Variants in ADAR observed in about 807,000 individuals in gnomAD.
ADAR encodes the protein adenosine deaminase RNA specific, also known as double-stranded RNA-specific adenosine deaminase.
Under a neutral mutation model 113.2 loss-of-function variants are expected in ADAR, and 41 were observed. The ratio of observed to expected loss-of-function variants is 0.36; its 90% CI spans 0.28 to 0.47. The LOEUF (loss-of-function observed/expected upper bound fraction) is 0.47, where lower values mean the gene tolerates loss of function less well. ADAR is among the 20% of genes least tolerant of loss of function. The pLI, the probability that ADAR is intolerant of heterozygous loss-of-function variation, is 1.00. For missense variants in ADAR, 1,242 were observed against 1,540.9 expected (o/e 0.81, Z 3.25); for synonymous variants, 605 against 572.6 (o/e 1.06, Z -0.81).
Position 154,598,502 on chromosome 1 carries a change from G to A in ADAR, c.1685C>T (p.Ala562Val), listed in dbSNP as rs1200977158. The A allele has an allele frequency of 6.2e-7, 1 of 1,614,168 alleles. No homozygotes were observed. The highest frequency in any genetic ancestry group is 1.7e-5 in the Admixed American group (1 of 60,026). Reference sequence around the variant, plus strand: ...TAGCAGAATTGTCATGGCTTTCATAGCTGCATCCTGCTTGGCCACTTTCTT... The same window carrying A: ...TAGCAGAATTGTCATGGCTTTCATAACTGCATCCTGCTTGGCCACTTTCTT... ...GSKKVAKQDA[A>V]MKAMTILLEE... The change falls in exon 3 of 15, where the codon GCT (alanine) becomes GTT (valine). Residue 562 changes from alanine to valine, a missense_variant. Ala to Val is a moderately conservative substitution (Grantham distance 64). Transcript: ENST00000368474.
chr1:154,599,497 T>A (rs576666157), intron 2 of ADAR, among the ~76,000 whole-genome samples: 2 of 152,124 alleles, frequency 1.3e-5, no homozygotes, highest in African/African-American at 2.4e-5. Flanking sequence ...CTTGCCAGCT[T>A]TTGGACAGAC....
At chr1:154,593,777 G>A (rs1253075705) in intron 6 of ADAR, among the ~76,000 whole-genome samples, 1 of 152,166 alleles carries the variant, frequency 6.6e-6, no homozygotes, top group Admixed American at 6.5e-5. Flanking sequence ...ATCCATGAGA[G>A]TAACAATCTG....
chr1:154,587,466 T>C (rs1696839811), intron 11 of ADAR, among the ~76,000 whole-genome samples: 1 of 152,222 alleles, frequency 6.6e-6, no homozygotes, highest in Non-Finnish European at 1.5e-5. Flanking sequence ...ATTCACATAT[T>C]AGTTTCCGTG....
rs1222447885 is a variant in ADAR, at chr1:154,601,394, G to A, written c.1248C>T (p.Val416=). ...CCTCTTGCCTGTTTTCTAACTTTAT[G>A]ACAGGTTCCTGCCCATTCTCCACTT... ...TEKVENGQEP[V]IKLENRQEAR... The change falls in exon 2 of 15, where the codon GTC becomes GTT. Residue 416 remains valine, a synonymous_variant. Transcript: ENST00000368474. The surrounding 1 kb of genome is among the most constrained non-coding windows in gnomAD (Gnocchi z 4.7). 9.3e-6 allele frequency: 15 copies of A among 1,614,194 alleles called. No homozygotes were observed. Among genetic ancestry groups the A allele is most frequent in the East Asian group, 2.2e-5 (1 of 44,880 alleles).
chr1:154,606,947 A>ATATATAT (rs1214124039), intron 1 of ADAR, among the ~76,000 whole-genome samples: 49 of 148,500 alleles, frequency 3.3e-4, no homozygotes, highest in Middle Eastern at 3.5e-3. Flanking sequence ...AAAAAAAAAA[A>ATATATAT]ATATATATAT....
In ADAR at chr1:154,589,690, A is replaced by G. The variant is rs879097270; in HGVS notation, c.2668+67T>C. 4.4e-6 allele frequency: 7 copies of G among 1,591,108 alleles called. No homozygotes were observed. The South Asian group carries it at 6.7e-5, about 15-fold the overall frequency. On this transcript the variant is annotated intron_variant, in intron 8 of 14. Transcript: ENST00000368474. ...CCTTGGACTTACATGCATGGACTCCAGGGGAGGATGAGAGGCACCCGCTTT... is the reference window on the plus strand; with the variant it reads ...CCTTGGACTTACATGCATGGACTCCGGGGGAGGATGAGAGGCACCCGCTTT...
intron 1 of ADAR, among the ~76,000 whole-genome samples, chr1:154,605,346 C>T (rs1698124196): frequency 6.6e-6 from 1 of 152,022 alleles, no homozygotes; most frequent in Non-Finnish European, 1.5e-5. Flanking sequence ...TGACTCCCAC[C>T]TTCTTCAGCC....
Position 154,585,917 on chromosome 1 carries a change from T to C in ADAR, c.3203-52A>G, listed in dbSNP as rs1258633158. The C allele has an allele frequency of 2.7e-6, 4 of 1,506,470 alleles. No homozygotes were observed. The African/African-American group carries it at 5.5e-5, about 21-fold the overall frequency. The allele number at this position is 1,506,470 out of a possible 1,614,324, so 93.3% of individuals were successfully genotyped here. ...TACCTGTGTTTGCACCAAATGCTGT[T>C]AAGAGGCAGAAGCATGTGGGGATTT... On this transcript the variant is annotated intron_variant, in intron 12 of 14. Transcript: ENST00000368474.
intron 10 of ADAR, 64 bp downstream of exon 10, chr1:154,588,487 T>G (rs1271588875): frequency 2.2e-5 from 35 of 1,604,960 alleles, no homozygotes; most frequent in Non-Finnish European, 3.0e-5. Flanking sequence ...CAGGAGAGCA[T>G]TTGGATACCC....
chr1:154,590,144 C>T lies in ADAR; in HGVS notation c.2496+40G>A, dbSNP rs765975608. On this transcript the variant is annotated intron_variant, in intron 7 of 14. Coordinates refer to ENST00000368474, the MANE Select transcript of ADAR (RefSeq NM_001111.5). The stretch of plus-strand genomic sequence containing the variant: ...CCTCCACTTAGGAGTTAGGAGGACC[C>T]CCCCGCCCCAAAAAAGGCACCAAAA... 2.1e-5 allele frequency: 23 copies of T among 1,100,328 alleles called. 2 individuals are homozygous for T. The highest frequency in any genetic ancestry group is 3.0e-5 in the Non-Finnish European group (22 of 726,672). The allele number at this position is 1,100,328 out of a possible 1,614,324, so 68.2% of individuals were successfully genotyped here. A position where few individuals can be genotyped will look rare whatever the true frequency, so the allele number is the denominator to read the frequency against.
intron 1 of ADAR, among the ~76,000 whole-genome samples, chr1:154,605,581 T>G (rs1303449382): frequency 1.3e-5 from 2 of 152,144 alleles, no homozygotes; most frequent in African/African-American, 4.8e-5. Flanking sequence ...CATGGTGAGC[T>G]CTTGGGGGTC....
rs772751856 is a variant in ADAR at position 154,601,951 on chromosome 1, C to T, written c.691G>A (p.Asp231Asn). 8.1e-6 allele frequency: 13 copies of T among 1,613,926 alleles called. No individual in the cohort carries two copies. The highest frequency in any genetic ancestry group is 1.0e-5 in the Non-Finnish European group (12 of 1,180,014). The change falls in exon 2 of 15, where the codon GAC becomes AAC. Residue 231 changes from aspartate (D) to asparagine (N), a missense_variant. By Grantham distance (23) the Asp-to-Asn change is conservative. Coordinates refer to ENST00000368474, the MANE Select transcript of ADAR (RefSeq NM_001111.5). This position sits in a 1 kb window ranked among gnomAD's most constrained non-coding sequence, Gnocchi z 4.7. ...TCTGAGACAGATGTGGAGTTTCTGT[C>T]TTCCGGTTCCAAACTCGGGTCTGAG... is the stretch of plus-strand genomic sequence containing the variant. ...PNSDPSLEPE[D>N]RNSTSVSEDL...
In ADAR at chr1:154,602,256, T is replaced by C. The variant is rs1157977031; in HGVS notation, c.386A>G (p.His129Arg). 2 of 1,614,186 alleles carry C rather than the reference T, an allele frequency of 1.2e-6. No individual in the cohort carries two copies. The highest frequency in any genetic ancestry group is 1.7e-6 in the Non-Finnish European group (2 of 1,180,022). ...TTGGTAGATACTCAGTTCCTGGAAA[T>C]GTGAGGAAAGGCAATCAACACCTCT... ...PQRGVDCLSS[H>R]FQELSIYQDQ... Residue 129 changes from histidine (H) to arginine (R), a missense_variant, in exon 2 of 15, where the codon CAT (histidine) becomes CGT (arginine). Around this residue, in one of 2 missense-constraint regions of ADAR, gnomAD observed 462 missense variants for 483.1 expected, o/e 0.96. Coordinates refer to ENST00000368474, the MANE Select transcript of ADAR (RefSeq NM_001111.5).
At chr1:154,593,273 T>C (rs1697285095) in intron 6 of ADAR, among the ~76,000 whole-genome samples, 1 of 152,126 alleles carries the variant, frequency 6.6e-6, no homozygotes, top group Non-Finnish European at 1.5e-5. Flanking sequence ...TACGAGATAG[T>C]TAATAAACGT....
At chr1:154,586,148 G>A (rs376027486) in intron 12 of ADAR, 33 bp downstream of exon 12, 1 of 1,612,570 alleles carries the variant, frequency 6.2e-7, no homozygotes, top group Non-Finnish European at 8.5e-7. Context: ...AAGAAGGACA[G>A]ACCAGTTCCA....
chr1:154,606,051 C>T lies in ADAR; in HGVS notation c.15+1941G>A, dbSNP rs796503647. ...GACGGAGTCTCGCTCTGTTGCCAAG[C>T]TGGAGTGCAGTGGCATGATCTCGGC... is the stretch of plus-strand genomic sequence containing the variant. On this transcript the variant is annotated intron_variant, in intron 1 of 14. Coordinates refer to ENST00000368474, the MANE Select transcript of ADAR (RefSeq NM_001111.5). 4 of 677,616 alleles carry T rather than the reference C, an allele frequency of 5.9e-6. No homozygotes were observed. In the African/African-American group the frequency reaches 7.8e-5, roughly 13 times the overall value. The allele number at this position is 677,616 out of a possible 1,614,324, so 42.0% of individuals were successfully genotyped here. A position where few individuals can be genotyped will look rare whatever the true frequency, so the allele number is the denominator to read the frequency against.
intron 1 of ADAR, among the ~76,000 whole-genome samples, chr1:154,604,544 C>T (rs1698074810): frequency 6.6e-6 from 1 of 152,208 alleles, no homozygotes; most frequent in Admixed American, 6.5e-5. Context: ...TGGGTCTTCG[C>T]TGTGTGGTGG....
chr1:154,595,463 T>C (rs777993829), intron 6 of ADAR, among the ~76,000 whole-genome samples: 20 of 152,070 alleles, frequency 1.3e-4, no homozygotes, highest in Non-Finnish European at 2.4e-4. Flanking sequence ...TAACAGCTAA[T>C]GTATTTTCAT....
intron 1 of ADAR, among the ~76,000 whole-genome samples, 181 bp downstream of exon 1, chr1:154,607,811 C>CCACACA (rs1402791358): frequency 7.1e-6 from 1 of 141,174 alleles, no homozygotes; most frequent in Admixed American, 7.0e-5. Context: ...CGACACACAC[C>CCACACA]CACACACACA....
Sources: gnomAD v4.1 joint callset for allele counts (sites outside exome capture counted in the v4.1 genomes callset) on GRCh38, gnomAD v4.1.1 for gene constraint, gnomAD v4.1.1 regional missense constraint, Gnocchi (gnomAD v3.1) non-coding constraint, MANE v1.5 for transcripts, NCBI Gene and HGNC (gene_info 2026-07-23, HGNC 2026-07-21) for gene names.